SLC2A9: variants seen among roughly 807,000 people sequenced by gnomAD.
SLC2A9 encodes solute carrier family 2 member 9, also known as solute carrier family 2, facilitated glucose transporter member 9.
SLC2A9 carries 39 observed loss-of-function variants against 50.6 expected under a neutral mutation model. The ratio of observed to expected loss-of-function variants is 0.77; its 90% CI spans 0.60 to 1.01. The LOEUF (loss-of-function observed/expected upper bound fraction) is 1.01, where lower values mean the gene tolerates loss of function less well. Among genes scored for constraint, SLC2A9 ranks in the 50% least tolerant of loss-of-function variants. The pLI, the probability that SLC2A9 is intolerant of heterozygous loss-of-function variation, is 0.00. For missense variants in SLC2A9, 686 were observed against 677.6 expected (o/e 1.01, Z -0.14); for synonymous variants, 324 against 276.9 (o/e 1.17, Z -1.69).
chr4:9,909,414 A>G (rs1261295211), intron 7 of SLC2A9, among the ~76,000 whole-genome samples: 1 of 152,162 alleles, frequency 6.6e-6, no homozygotes, highest in Non-Finnish European at 1.5e-5. Flanking sequence ...AAAACCTTCC[A>G]TCTTGTTGAG....
intron 6 of SLC2A9, 57 bp from the exon 7 acceptor site, chr4:9,920,629 A>G (rs1326206121): frequency 4.4e-6 from 7 of 1,600,362 alleles, no homozygotes; most frequent in African/African-American, 4.0e-5. Flanking sequence ...CATCATGTCT[A>G]ATGCTGGGCC....
At position 9,907,932 on chromosome 4, in the gene SLC2A9, C is replaced by T. The variant is rs1740980565; in HGVS notation, c.1113+303G>A. ...CCTCTAAAGAGATGCCTGTTTGTTGCCTTAGGTTCCCACATTGCAGTGTTG... is the reference window on the plus strand; with the variant it reads ...CCTCTAAAGAGATGCCTGTTTGTTGTCTTAGGTTCCCACATTGCAGTGTTG... On this transcript the variant is annotated intron_variant, in intron 8 of 11. Coordinates refer to ENST00000264784, the MANE Select transcript of SLC2A9 (RefSeq NM_020041.3). Among the ~76,000 whole-genome samples the T allele has an allele frequency of 3.9e-5, 6 of 152,292 alleles. No homozygotes were observed. In the South Asian group the frequency reaches 1.2e-3, roughly 32 times the overall value.
chr4:9,952,191 G>T (rs1750420760), intron 5 of SLC2A9, among the ~76,000 whole-genome samples: 1 of 152,224 alleles, frequency 6.6e-6, no homozygotes, highest in Admixed American at 6.5e-5. Context: ...GGCTTTATAA[G>T]TGCTTGACAT....
intron 6 of SLC2A9, among the ~76,000 whole-genome samples, chr4:9,929,312 A>C (rs970956393): frequency 2.6e-5 from 4 of 152,336 alleles, no homozygotes; most frequent in Middle Eastern, 3.4e-3. Context: ...TACCGGCTGG[A>C]GAGCAAGGCA....
intron 3 of SLC2A9, among the ~76,000 whole-genome samples, chr4:9,791,739 C>T (rs1184091066): frequency 2.0e-5 from 3 of 152,026 alleles, no homozygotes; most frequent in Admixed American, 6.6e-5. Flanking sequence ...GGAAAGGAAG[C>T]GTCCCTCAGT....
intron 5 of SLC2A9, among the ~76,000 whole-genome samples, chr4:9,965,143 A>G (rs1238920572): frequency 1.3e-5 from 2 of 152,174 alleles, no homozygotes; most frequent in Non-Finnish European, 2.9e-5. Flanking sequence ...TATTAATGCT[A>G]TTGTATAGGT....
chr4:9,857,607 G>A (rs1439357729), intron 10 of SLC2A9, among the ~76,000 whole-genome samples: 1 of 152,224 alleles, frequency 6.6e-6, no homozygotes, highest in Non-Finnish European at 1.5e-5. Context: ...GTGGACTGAA[G>A]AGAGCTGATG....
At chr4:9,931,759 C>T (rs975546373) in intron 6 of SLC2A9, among the ~76,000 whole-genome samples, 3 of 151,402 alleles carry the variant, frequency 2.0e-5, no homozygotes, top group Admixed American at 6.6e-5. Flanking sequence ...TCTGGGATGG[C>T]GTGCAAAGAT....
intron 10 of SLC2A9, among the ~76,000 whole-genome samples, chr4:9,839,426 C>T: frequency 6.6e-6 from 1 of 152,048 alleles, no homozygotes; most frequent in East Asian, 1.9e-4. Context: ...GACAGTGTGG[C>T]CGTTCCTCAA....
At chr4:9,848,406 G>A (rs1282690239) in intron 10 of SLC2A9, among the ~76,000 whole-genome samples, 1 of 151,158 alleles carries the variant, frequency 6.6e-6, no homozygotes, top group Non-Finnish European at 1.5e-5. Context: ...ATGGGCATGA[G>A]ACATGAGCAT....
At chr4:9,962,152 A>C (rs1384884977) in intron 5 of SLC2A9, among the ~76,000 whole-genome samples, 2 of 152,246 alleles carry the variant, frequency 1.3e-5, no homozygotes, top group Non-Finnish European at 2.9e-5. Flanking sequence ...TGTGGAAGAC[A>C]GTGTGGCAAT....
chr4:9,981,801 G>A lies in SLC2A9; in HGVS notation c.536-1064C>T, dbSNP rs924758379. 6.6e-5 allele frequency among the ~76,000 whole-genome samples: 10 copies of A among 152,244 alleles called. 1 individual carries two copies. The highest frequency in any genetic ancestry group is 6.8e-3 in the Middle Eastern group (2 of 294). ...GTCCTATTATGGTTTCAAATACTCCGGGAGAACCTGGCTGGATTAGCAAGT... is the reference window on the plus strand; with the variant it reads ...GTCCTATTATGGTTTCAAATACTCCAGGAGAACCTGGCTGGATTAGCAAGT... On this transcript the variant is annotated intron_variant, in intron 4 of 11. Transcript: ENST00000264784.
rs1208576853 is a variant in SLC2A9, at chr4:9,826,282, C to CA, written c.*114dup. 1 of 1,001,690 alleles carries CA rather than the reference C, an allele frequency of 1.0e-6. No homozygotes were observed. The highest frequency in any genetic ancestry group is 1.6e-6 in the Non-Finnish European group (1 of 632,030). 62.1% of individuals were successfully genotyped at this position (1,001,690 alleles called of 1,614,324 possible). A position where few individuals can be genotyped will look rare whatever the true frequency, so the allele number is the denominator to read the frequency against. On this transcript the variant is annotated 3_prime_UTR_variant, in exon 12 of 12. Transcript: ENST00000264784. ...ATAATATAAAAGACTTGCATAGCTT[C>CA]AATTCATTTAAGCTTCCCAATAATG... is the stretch of plus-strand genomic sequence containing the variant.
At chr4:9,814,784 C>A (rs36075927) in intron 3 of SLC2A9, among the ~76,000 whole-genome samples, 19,008 of 151,842 alleles carry the variant, frequency 0.13, 1,240 homozygotes, top group Middle Eastern at 0.16. Context: ...CTGCTTGTAT[C>A]GCATTTTCTG....
At chr4:9,909,677 T>C (rs1346589248) in intron 7 of SLC2A9, among the ~76,000 whole-genome samples, 1 of 152,242 alleles carries the variant, frequency 6.6e-6, no homozygotes, top group Non-Finnish European at 1.5e-5. Flanking sequence ...GTATTCACTT[T>C]GAGGATTTTA....
At chr4:9,942,514 G>C (rs745426717) in intron 5 of SLC2A9, among the ~76,000 whole-genome samples, 3 of 152,240 alleles carry the variant, frequency 2.0e-5, no homozygotes, top group African/African-American at 7.2e-5. Context: ...TGTCTTCTCA[G>C]TGAGGACACA....
chr4:10,003,225 T>C (rs16892069), intron 2 of SLC2A9, among the ~76,000 whole-genome samples: 11,578 of 152,256 alleles, frequency 0.076, 735 homozygotes, highest in East Asian at 0.39. Context: ...TTCAAGCAAT[T>C]GCAGCTGTCT....
chr4:10,023,409 A>G (rs1356496253), upstream of SLC2A9, among the ~76,000 whole-genome samples: 1 of 151,670 alleles, frequency 6.6e-6, no homozygotes, highest in African/African-American at 2.4e-5. Context: ...CATTGCTGTG[A>G]CTCCCCTCTC....
In SLC2A9 at chr4:9,849,280, G is replaced by A. The variant is rs368362694; in HGVS notation, c.1292-14272C>T. Among the ~76,000 whole-genome samples, 176 of 152,296 alleles carry A rather than the reference G, an allele frequency of 1.2e-3. 2 individuals are homozygous for A. Among genetic ancestry groups the A allele is most frequent in the South Asian group, 0.011 (52 of 4,822 alleles). ...GGATATGGGTCAGCAGAAGGAGGGT[G>A]TGGAGGCAGACTGGGACACTGGTTA... On this transcript the variant is annotated intron_variant, in intron 10 of 11. Transcript: ENST00000264784.
Sources: allele counts gnomAD v4.1 joint callset (sites outside exome capture counted in the v4.1 genomes callset), GRCh38; gene constraint gnomAD v4.1.1; transcripts MANE v1.5; gene names NCBI Gene and HGNC (gene_info 2026-07-23, HGNC 2026-07-21).